Variants in SOX6 observed in about 807,000 individuals in gnomAD.
SOX6 encodes transcription factor SOX-6.
Under a neutral mutation model 97.8 loss-of-function variants are expected in SOX6, and 11 were observed. The observed-to-expected ratio is 0.11, with a 90% CI of 0.07 to 0.19. SOX6 has a LOEUF of 0.19. Ranked by LOEUF, SOX6 falls within the 10% of genes least tolerant of loss-of-function variation. SOX6 has a pLI of 1.00. For missense variants in SOX6, 810 were observed against 1,039.5 expected, an observed-to-expected ratio of 0.78 and a Z score of 3.04; for synonymous variants, 360 against 371.4, an observed-to-expected ratio of 0.97 and a Z score of 0.35.
At chr11:16,601,654 G>T (rs1848271751) in intron 4 of SOX6, among the ~76,000 whole-genome samples, 1 of 152,022 alleles carries the variant, frequency 6.6e-6, no homozygotes, top group Admixed American at 6.5e-5. Flanking sequence ...TTTTTCAAAA[G>T]AAATTCATTT....
At chr11:16,362,097 C>G (rs1396285437) in intron 1 of SOX6, among the ~76,000 whole-genome samples, 1 of 152,108 alleles carries the variant, frequency 6.6e-6, no homozygotes, top group African/African-American at 2.4e-5. Context: ...CCTAAAATCC[C>G]AGTCCCCTAA....
intron 2 of SOX6, among the ~76,000 whole-genome samples, chr11:16,319,153 T>A (rs1855835644): frequency 6.6e-6 from 1 of 152,196 alleles, no homozygotes; most frequent in Non-Finnish European, 1.5e-5. Flanking sequence ...CCAATGTTCA[T>A]TGTTCACCAG....
intron 12 of SOX6, among the ~76,000 whole-genome samples, chr11:16,020,474 A>G (rs1320113426): frequency 2.0e-5 from 3 of 151,920 alleles, no homozygotes; most frequent in Non-Finnish European, 4.4e-5. Flanking sequence ...GCTCCTCTAC[A>G]TGGTTTTCAA....
At chr11:16,375,503 G>GAA (rs541176443) in intron 1 of SOX6, among the ~76,000 whole-genome samples, 1 of 134,272 alleles carries the variant, frequency 7.4e-6, no homozygotes. Context: ...GTACAGAAAA[G>GAA]AAAAAAAAAA....
chr11:16,178,042 T>C (rs1851246149), intron 6 of SOX6, among the ~76,000 whole-genome samples: 1 of 151,904 alleles, frequency 6.6e-6, no homozygotes, highest in Non-Finnish European at 1.5e-5. Flanking sequence ...GCTTTGAGAT[T>C]CACCTTCAGG....
chr11:16,629,688 C>A (rs578050321), intron 3 of SOX6, among the ~76,000 whole-genome samples: 1 of 152,042 alleles, frequency 6.6e-6, no homozygotes, highest in Non-Finnish European at 1.5e-5. Context: ...CTTCTTTGTG[C>A]ATCTAGTAGA....
intron 4 of SOX6, among the ~76,000 whole-genome samples, chr11:16,492,980 G>A (rs1451374681): frequency 6.6e-6 from 1 of 152,118 alleles, no homozygotes; most frequent in African/African-American, 2.4e-5. Context: ...ATGGGAGAAA[G>A]TATATGACAA....
intron 3 of SOX6, among the ~76,000 whole-genome samples, chr11:16,270,972 T>A (rs945102785): frequency 2.6e-5 from 4 of 151,396 alleles, no homozygotes; most frequent in African/African-American, 9.7e-5. Context: ...TGAATGTAAT[T>A]AAGAGTAATG....
At chr11:16,659,956 T>A (rs1047806619) in intron 3 of SOX6, among the ~76,000 whole-genome samples, 11 of 152,140 alleles carry the variant, frequency 7.2e-5, no homozygotes, top group African/African-American at 2.4e-4. Flanking sequence ...GTTCATGGAA[T>A]CAGTATAGTT....
chr11:16,402,050 A>C (rs920837177), intron 1 of SOX6, among the ~76,000 whole-genome samples: 1 of 151,632 alleles, frequency 6.6e-6, no homozygotes, highest in Non-Finnish European at 1.5e-5. Flanking sequence ...GGAAAATACA[A>C]GTCACTCATT....
intron 4 of SOX6, among the ~76,000 whole-genome samples, chr11:16,573,961 A>G (rs1319309229): frequency 2.0e-5 from 3 of 152,160 alleles, no homozygotes; most frequent in African/African-American, 7.2e-5. Flanking sequence ...AAAAATTATA[A>G]GCTTTAGTGG....
Position 16,033,186 on chromosome 11 carries a change from C to A in SOX6, c.1623+13328G>T, listed in dbSNP as rs565013252. Among the ~76,000 whole-genome samples the A allele has an allele frequency of 1.1e-3, 166 of 152,262 alleles. 2 individuals are homozygous for A. The highest frequency in any genetic ancestry group is 1.6e-3 in the Non-Finnish European group (110 of 68,026). ...GCACTTCCTACCTAACGCTCTGTGA[C>A]GTCATGTGGTTGCAAACAACAATAA... is the stretch of plus-strand genomic sequence containing the variant. On this transcript the variant is annotated intron_variant, in intron 12 of 15. Coordinates refer to ENST00000683767, the MANE Select transcript of SOX6 (RefSeq NM_001367873.1).
chr11:16,199,846 T>A (rs898535641), intron 4 of SOX6, among the ~76,000 whole-genome samples: 1 of 152,140 alleles, frequency 6.6e-6, no homozygotes, highest in African/African-American at 2.4e-5. Flanking sequence ...TCTAGTAACA[T>A]AAACTATAAT....
chr11:16,559,960 A>AT (rs1368411533), intron 4 of SOX6, among the ~76,000 whole-genome samples: 1 of 152,040 alleles, frequency 6.6e-6, no homozygotes, highest in African/African-American at 2.4e-5. Context: ...ATTTTTGGTT[A>AT]TTTTATTTTG....
intron 3 of SOX6, among the ~76,000 whole-genome samples, chr11:16,306,373 G>C (rs1490610771): frequency 6.6e-6 from 1 of 152,138 alleles, no homozygotes; most frequent in East Asian, 1.9e-4. Flanking sequence ...ACAGGTTTGA[G>C]TATTAATAAT....
At chr11:16,409,887 T>A (rs1590192596) in intron 1 of SOX6, among the ~76,000 whole-genome samples, 1 of 151,098 alleles carries the variant, frequency 6.6e-6, no homozygotes, top group African/African-American at 2.4e-5. Flanking sequence ...AGAGGAAGAC[T>A]ATCTAAAATA....
intron 9 of SOX6, among the ~76,000 whole-genome samples, chr11:16,073,659 C>A (rs1029721249): frequency 9.9e-5 from 15 of 152,066 alleles, no homozygotes; most frequent in African/African-American, 3.6e-4. Context: ...CTGTACATGG[C>A]AGATATGCTA....
chr11:16,422,906 C>A (rs1473887898), intron 1 of SOX6, among the ~76,000 whole-genome samples: 2 of 152,166 alleles, frequency 1.3e-5, no homozygotes, highest in Non-Finnish European at 2.9e-5. Flanking sequence ...CATATAAACA[C>A]CTTTATATTA....
intron 12 of SOX6, among the ~76,000 whole-genome samples, chr11:16,022,063 C>A (rs996450283): frequency 2.6e-5 from 4 of 152,104 alleles, no homozygotes; most frequent in East Asian, 1.9e-4. Context: ...CCTGTTCCCC[C>A]CTTTGTAAAA....
Sources: allele counts gnomAD v4.1 joint callset (sites outside exome capture counted in the v4.1 genomes callset), GRCh38; gene constraint gnomAD v4.1.1; transcripts MANE v1.5; gene names NCBI Gene and HGNC (gene_info 2026-07-23, HGNC 2026-07-21).